SRBD1: variants seen among roughly 807,000 people sequenced by gnomAD.
SRBD1 encodes the protein S1 RNA-binding domain-containing protein 1.
SRBD1 carries 88 observed loss-of-function variants against 115.3 expected under a neutral mutation model. The ratio of observed to expected loss-of-function variants is 0.76; its 90% CI spans 0.64 to 0.91. The LOEUF (loss-of-function observed/expected upper bound fraction) is 0.91, where lower values mean the gene tolerates loss of function less well. Ranked by LOEUF, SRBD1 falls within the 40% of genes least tolerant of loss-of-function variation. The pLI is 0.00. For missense variants in SRBD1, 1,385 were observed against 1,177.4 expected (o/e 1.18, Z -2.58); for synonymous variants, 509 against 407.7 (o/e 1.25, Z -2.99).
At chr2:45,513,802 TTG>T (rs1255431928) in intron 14 of SRBD1, among the ~76,000 whole-genome samples, 2 of 152,166 alleles carry the variant, frequency 1.3e-5, no homozygotes, top group East Asian at 3.8e-4. Context: ...TTTTGTTTGT[TTG>T]TTTTTGCTAT....
chr2:45,594,317 C>CT (rs1256628208), intron 4 of SRBD1, among the ~76,000 whole-genome samples: 1 of 152,074 alleles, frequency 6.6e-6, no homozygotes, highest in Non-Finnish European at 1.5e-5. Flanking sequence ...TTTTGTTTGC[C>CT]TTTTCTCCCT....
chr2:45,497,732 A>ATT (rs35690530), intron 14 of SRBD1, among the ~76,000 whole-genome samples: 25 of 150,278 alleles, frequency 1.7e-4, no homozygotes, highest in South Asian at 2.1e-4. Context: ...ATTTCATATA[A>ATT]TTTTTTTTTT....
chr2:45,589,187 G>A (rs187494058), intron 4 of SRBD1, among the ~76,000 whole-genome samples: 1 of 152,026 alleles, frequency 6.6e-6, no homozygotes, highest in Non-Finnish European at 1.5e-5. Context: ...TTCTTCTTTT[G>A]TTTGAACTTA....
chr2:45,605,476 G>A, intron 1 of SRBD1, 35 bp from the exon 2 acceptor site: 1 of 1,574,186 alleles, frequency 6.4e-7, no homozygotes, highest in Non-Finnish European at 8.7e-7. Context: ...AGCAACACTT[G>A]AATATTCTTA....
chr2:45,542,219 C>T (rs1013405406), intron 14 of SRBD1, among the ~76,000 whole-genome samples: 2 of 152,252 alleles, frequency 1.3e-5, no homozygotes, highest in African/African-American at 2.4e-5. Context: ...AGCACTGCCT[C>T]GAGTGCAGGC....
intron 19 of SRBD1, among the ~76,000 whole-genome samples, chr2:45,397,691 A>ACTTCC (rs1558551347): frequency 6.6e-6 from 1 of 152,200 alleles, no homozygotes; most frequent in Non-Finnish European, 1.5e-5. Flanking sequence ...GTAGCCTTGG[A>ACTTCC]CTTCCAGGCT....
intron 20 of SRBD1, among the ~76,000 whole-genome samples, chr2:45,390,882 T>C (rs1176040287): frequency 6.6e-6 from 1 of 152,202 alleles, no homozygotes; most frequent in Non-Finnish European, 1.5e-5. Context: ...AAAATTGGAA[T>C]TGATTCTGTG....
chr2:45,546,200 C>G, intron 14 of SRBD1: 1 of 985,416 alleles, frequency 1.0e-6, no homozygotes, highest in Non-Finnish European at 1.2e-6. Flanking sequence ...GAAATTGGGT[C>G]TTTCTAATCC....
intron 14 of SRBD1, among the ~76,000 whole-genome samples, chr2:45,532,797 C>T (rs1671652794): frequency 6.8e-6 from 1 of 148,058 alleles, no homozygotes; most frequent in African/African-American, 2.4e-5. Context: ...AAAAGGTTTA[C>T]CGACCCCCCA....
At chr2:45,440,935 T>C (rs1668651966) in intron 16 of SRBD1, among the ~76,000 whole-genome samples, 1 of 152,090 alleles carries the variant, frequency 6.6e-6, no homozygotes, top group Admixed American at 6.6e-5. Flanking sequence ...AAAAAGAGTA[T>C]TAACGCATAA....
intron 16 of SRBD1, among the ~76,000 whole-genome samples, chr2:45,435,801 A>G (rs1312188856): frequency 3.3e-5 from 5 of 152,232 alleles, no homozygotes; most frequent in African/African-American, 7.2e-5. Flanking sequence ...ATCCTTACTC[A>G]GATGGGTTCA....
At chr2:45,475,469 A>C (rs999673277) in intron 16 of SRBD1, among the ~76,000 whole-genome samples, 19 of 152,184 alleles carry the variant, frequency 1.2e-4, no homozygotes, top group African/African-American at 4.3e-4. Context: ...GTTAAAATGA[A>C]TCCCAAAGTC....
chr2:45,497,597 G>C (rs1670498213), intron 14 of SRBD1, among the ~76,000 whole-genome samples: 2 of 152,042 alleles, frequency 1.3e-5, no homozygotes, highest in African/African-American at 4.8e-5. Context: ...AGATACTTCT[G>C]GTCCCGGGCC....
chr2:45,472,465 T>C (rs1003354027), intron 16 of SRBD1, among the ~76,000 whole-genome samples: 1 of 152,196 alleles, frequency 6.6e-6, no homozygotes, highest in African/African-American at 2.4e-5. Flanking sequence ...TATGAACCAA[T>C]AAAGCTGGGT....
chr2:45,513,953 T>C (rs1671047338), intron 14 of SRBD1, among the ~76,000 whole-genome samples: 2 of 152,122 alleles, frequency 1.3e-5, no homozygotes, highest in South Asian at 4.1e-4. Flanking sequence ...TGCTAGGACT[T>C]TGAGATTTAG....
In SRBD1 at chr2:45,488,131, T is replaced by A. The variant is rs753810321; in HGVS notation, c.1966+109A>T. The stretch of plus-strand genomic sequence containing the variant: ...TTTCTAATATGCCAATTCTTATGCA[T>A]GTAGTATAACTTTTAAATTTTCTTT... On this transcript the variant is annotated intron_variant, in intron 15 of 20. Coordinates refer to ENST00000263736, the MANE Select transcript of SRBD1 (RefSeq NM_018079.5). 2.7e-5 allele frequency: 23 copies of A among 838,462 alleles called. No individual in the cohort carries two copies. In the South Asian group the frequency reaches 3.1e-4, roughly 11 times the overall value. 51.9% of individuals were successfully genotyped at this position (838,462 alleles called of 1,614,324 possible).
intron 16 of SRBD1, among the ~76,000 whole-genome samples, chr2:45,466,882 CTT>C (rs1486457504): frequency 6.6e-6 from 1 of 152,194 alleles, no homozygotes; most frequent in Non-Finnish European, 1.5e-5. Flanking sequence ...AGCAGGGTCT[CTT>C]GTTAATCAAA....
chr2:45,477,070 T>C lies in SRBD1; in HGVS notation c.1972A>G (p.Ile658Val), dbSNP rs1292718633. The C allele has an allele frequency of 1.9e-6, 3 of 1,613,406 alleles. No homozygotes were observed. Among genetic ancestry groups the C allele is most frequent in the Non-Finnish European group, 2.5e-6 (3 of 1,179,800 alleles). The change falls in exon 16 of 21, where the codon ATA (isoleucine) becomes GTA (valine). Residue 658 changes from isoleucine to valine, a missense_variant. Ile to Val is a conservative substitution (Grantham distance 29). Coordinates refer to ENST00000263736, the MANE Select transcript of SRBD1 (RefSeq NM_018079.5). ...AATGGATCTTGTACACGCCTTGCTA[T>C]GGAAACTGAAAAAACAGAATCAGAA... is the stretch of plus-strand genomic sequence containing the variant. ...LDPNLRSAVS[I>V]ARRVQDPLAE...
intron 20 of SRBD1, among the ~76,000 whole-genome samples, chr2:45,392,530 C>G (rs541508458): frequency 2.0e-5 from 3 of 152,270 alleles, no homozygotes; most frequent in Middle Eastern, 3.4e-3. Context: ...TTCATTGACA[C>G]AGAATCCAAG....
Sources: gnomAD v4.1 joint callset for allele counts (sites outside exome capture counted in the v4.1 genomes callset) on GRCh38, gnomAD v4.1.1 for gene constraint, MANE v1.5 for transcripts, NCBI Gene and HGNC (gene_info 2026-07-23, HGNC 2026-07-21) for gene names.